Variants in FOXJ3 observed in about 807,000 individuals in gnomAD.
FOXJ3 encodes the protein forkhead box protein J3.
FOXJ3 carries 22 observed loss-of-function variants against 76.1 expected under a neutral mutation model. The observed-to-expected ratio is 0.29, with a 90% CI of 0.21 to 0.41. The LOEUF is 0.41. FOXJ3 is among the 10% of genes least tolerant of loss of function. The pLI is 1.00. For synonymous variants in FOXJ3, 269 were observed against 261.2 expected (o/e 1.03, Z -0.29); for missense variants, 613 against 762.1 (o/e 0.80, Z 2.30).
intron 4 of FOXJ3, among the ~76,000 whole-genome samples, chr1:42,263,375 C>A (rs1651209891): frequency 1.3e-5 from 2 of 152,070 alleles, no homozygotes; most frequent in Admixed American, 1.3e-4. Flanking sequence ...AGTAACTTCA[C>A]AGGACTCTAG....
At chr1:42,199,881 A>G (rs926544070) in intron 6 of FOXJ3, among the ~76,000 whole-genome samples, 11 of 151,878 alleles carry the variant, frequency 7.2e-5, no homozygotes, top group African/African-American at 2.4e-4. Context: ...TATAAGTATT[A>G]TAATTTTTAA....
At chr1:42,311,004 TA>T (rs750548716) in intron 2 of FOXJ3, 45 bp downstream of exon 2, 1 of 1,223,978 alleles carries the variant, frequency 8.2e-7, no homozygotes, top group Non-Finnish European at 1.2e-6. Flanking sequence ...GTCTAACTTT[TA>T]AAATGTTATA....
At chr1:42,224,715 T>C (rs756042410) in intron 5 of FOXJ3, among the ~76,000 whole-genome samples, 2 of 151,982 alleles carry the variant, frequency 1.3e-5, no homozygotes, top group Non-Finnish European at 2.9e-5. Context: ...GAGGTAACTG[T>C]CAAGCTTTAT....
At chr1:42,288,340 A>G (rs1469108501) in intron 2 of FOXJ3, among the ~76,000 whole-genome samples, 2 of 152,198 alleles carry the variant, frequency 1.3e-5, no homozygotes, top group Non-Finnish European at 2.9e-5. Flanking sequence ...TTCAAGTAAC[A>G]TATGTCCACT....
At position 42,180,847 on chromosome 1, in the gene FOXJ3, A is replaced by AG. The variant is rs551013730; in HGVS notation, c.1754-1023dup. 4.2e-3 allele frequency among the ~76,000 whole-genome samples: 644 copies of AG among 152,312 alleles called. 4 individuals carry two copies. Among genetic ancestry groups the AG allele is most frequent in the African/African-American group, 0.015 (620 of 41,568 alleles). Reference sequence around the variant, plus strand: ...TTACAAACAGGGAAGCTGAGGTAGGAGGGTTAGGTAGCTTGCCTAATATCA... The same window carrying AG: ...TTACAAACAGGGAAGCTGAGGTAGGAGGGGTTAGGTAGCTTGCCTAATATCA... On this transcript the variant is annotated intron_variant, in intron 12 of 12. Coordinates refer to ENST00000361346, the MANE Select transcript of FOXJ3 (RefSeq NM_014947.5).
intron 2 of FOXJ3, among the ~76,000 whole-genome samples, chr1:42,281,053 T>C (rs1652672953): frequency 6.6e-6 from 1 of 152,192 alleles, no homozygotes; most frequent in Non-Finnish European, 1.5e-5. Context: ...AGGTGCTCCC[T>C]ACTGAGAACC....
At chr1:42,232,165 T>C (rs1290270677) in intron 4 of FOXJ3, among the ~76,000 whole-genome samples, 1 of 152,054 alleles carries the variant, frequency 6.6e-6, no homozygotes, top group East Asian at 1.9e-4. Context: ...CCATGGTGTA[T>C]ATGTGCCACA....
chr1:42,251,597 TAC>T, intron 4 of FOXJ3, among the ~76,000 whole-genome samples: 1 of 152,274 alleles, frequency 6.6e-6, no homozygotes, highest in South Asian at 2.1e-4. Context: ...TATGCTGGAT[TAC>T]ATTTATTGAT....
rs1221840766 is a variant in FOXJ3, at chr1:42,178,280, G to A, written c.*1430C>T. ...TCTATCCTCCTTTCAAGACAACCTA[G>A]ATGAGTGGGGAAACCTGCTTTAGAA... On this transcript the variant is annotated 3_prime_UTR_variant, in exon 13 of 13. Coordinates refer to ENST00000361346, the MANE Select transcript of FOXJ3 (RefSeq NM_014947.5). The A allele has an allele frequency of 1.3e-5, 2 of 152,170 alleles. No individual in the cohort carries two copies. Among genetic ancestry groups the A allele is most frequent in the Non-Finnish European group, 2.9e-5 (2 of 68,040 alleles). The allele number at this position is 152,170 out of a possible 1,614,324, so 9.4% of individuals were successfully genotyped here.
intron 4 of FOXJ3, among the ~76,000 whole-genome samples, chr1:42,237,415 T>G: frequency 6.8e-6 from 1 of 146,574 alleles, no homozygotes. Context: ...CATATATATA[T>G]ATATATATAT....
chr1:42,207,705 T>C (rs1016244328), intron 5 of FOXJ3, among the ~76,000 whole-genome samples: 1 of 152,190 alleles, frequency 6.6e-6, no homozygotes, highest in Non-Finnish European at 1.5e-5. Flanking sequence ...AATTAATCTA[T>C]CCTTTAATCC....
At chr1:42,317,728 G>A (rs979345980) in intron 1 of FOXJ3, among the ~76,000 whole-genome samples, 4 of 151,854 alleles carry the variant, frequency 2.6e-5, no homozygotes, top group Non-Finnish European at 4.4e-5. Context: ...TTAAGAATCA[G>A]GAGTGAAAGA....
At chr1:42,250,600 T>C (rs1649946014) in intron 4 of FOXJ3, among the ~76,000 whole-genome samples, 4 of 152,080 alleles carry the variant, frequency 2.6e-5, no homozygotes, top group Admixed American at 2.6e-4. Flanking sequence ...GCAGATCACC[T>C]GAGGTCGGCA....
intron 2 of FOXJ3, among the ~76,000 whole-genome samples, chr1:42,286,299 G>GTA (rs986537794): frequency 1.3e-5 from 2 of 152,056 alleles, no homozygotes; most frequent in Non-Finnish European, 2.9e-5. Context: ...TCTATTCTTA[G>GTA]TATAATTTCC....
At chr1:42,314,186 A>G (rs1654972155) in intron 1 of FOXJ3, among the ~76,000 whole-genome samples, 1 of 152,178 alleles carries the variant, frequency 6.6e-6, no homozygotes, top group African/African-American at 2.4e-5. Context: ...ATTCCTCTCC[A>G]AAGAGGTAAA....
chr1:42,189,469 C>T (rs1282037678), intron 9 of FOXJ3, 65 bp from the exon 10 acceptor site: 9 of 1,111,038 alleles, frequency 8.1e-6, no homozygotes, highest in Admixed American at 1.9e-5. Flanking sequence ...TAAGGGAAAA[C>T]GATGAGCTGC....
rs142760214 is a variant in FOXJ3 at position 42,178,981 on chromosome 1, A to G, written c.*729T>C. 2 of 152,576 alleles carry G rather than the reference A, an allele frequency of 1.3e-5. No homozygotes were observed. The highest frequency in any genetic ancestry group is 2.9e-5 in the Non-Finnish European group (2 of 68,020). The allele number at this position is 152,576 out of a possible 1,614,324, so 9.5% of individuals were successfully genotyped here. ...ATGCCCAATTTCTTACCAATCAACAAATTTTAGAGCTATTATAATGCAGAT... is the reference window on the plus strand; with the variant it reads ...ATGCCCAATTTCTTACCAATCAACAGATTTTAGAGCTATTATAATGCAGAT... On this transcript the variant is annotated 3_prime_UTR_variant, in exon 13 of 13. Coordinates refer to ENST00000361346, the MANE Select transcript of FOXJ3 (RefSeq NM_014947.5).
Position 42,191,487 on chromosome 1 carries a change from A to G in FOXJ3, c.1167T>C (p.Gly389=), listed in dbSNP as rs773101035. The G allele has an allele frequency of 6.8e-6, 11 of 1,613,790 alleles. No homozygotes were observed. In the East Asian group the frequency reaches 2.5e-4, roughly 36 times the overall value. Residue 389 remains glycine (G), a synonymous_variant, in exon 9 of 13, where the codon GGT becomes GGC. Coordinates refer to ENST00000361346, the MANE Select transcript of FOXJ3 (RefSeq NM_014947.5). The part of the protein sequence containing the change: ...PSPHPPHRPH[G]LPQHPQRSPH... ...GGGAACGCTGCGGATGCTGCGGTAA[A>G]CCATGCGGTCGATGGGGAGGATGTG...
At chr1:42,243,729 A>AAT (rs1445393866) in intron 4 of FOXJ3, among the ~76,000 whole-genome samples, 5 of 152,216 alleles carry the variant, frequency 3.3e-5, no homozygotes, top group Admixed American at 6.5e-5. Context: ...AAAAACTCTA[A>AAT]ATATATATGC....
Sources: allele counts gnomAD v4.1 joint callset (sites outside exome capture counted in the v4.1 genomes callset), GRCh38; gene constraint gnomAD v4.1.1; transcripts MANE v1.5; gene names NCBI Gene and HGNC (gene_info 2026-07-23, HGNC 2026-07-21).